Variants in FRMD3 observed in about 807,000 individuals in gnomAD.
FRMD3 encodes the protein FERM domain containing 3.
In FRMD3, 33 loss-of-function variants were observed where a neutral mutation model predicts 70.2. The observed-to-expected ratio is 0.47, with a 90% CI of 0.36 to 0.63. FRMD3 has a LOEUF of 0.63. FRMD3 is among the 20% of genes least tolerant of loss of function. The probability of loss-of-function intolerance (pLI) is 0.00; values close to 1 mark genes in which losing one functional copy is unlikely to be tolerated. For missense variants in FRMD3, 632 were observed against 711.4 expected, an observed-to-expected ratio of 0.89 and a Z score of 1.27; for synonymous variants, 279 against 255.9, an observed-to-expected ratio of 1.09 and a Z score of -0.86.
Position 83,519,524 on chromosome 9 carries a change from A to G in FRMD3, c.147+18561T>C, listed in dbSNP as rs142748581. Among the ~76,000 whole-genome samples the G allele has an allele frequency of 7.6e-3, 1,155 of 152,322 alleles. 17 individuals carry two copies. Among genetic ancestry groups the G allele is most frequent in the African/African-American group, 0.026 (1,085 of 41,564 alleles). ...CTGGAGAGGATGTGGAGAAATAGGAACGCTTTTGCACTGTTGGTGTGAGTG... is the reference window on the plus strand; with the variant it reads ...CTGGAGAGGATGTGGAGAAATAGGAGCGCTTTTGCACTGTTGGTGTGAGTG... On this transcript the variant is annotated intron_variant, in intron 1 of 13. Coordinates refer to ENST00000304195, the MANE Select transcript of FRMD3 (RefSeq NM_174938.6).
intron 6 of FRMD3, among the ~76,000 whole-genome samples, chr9:83,319,760 A>C (rs1398973186): frequency 6.6e-6 from 1 of 152,148 alleles, no homozygotes; most frequent in Non-Finnish European, 1.5e-5. Flanking sequence ...CATGAGATCC[A>C]ATGGTTTTAA....
rs975759161 is a variant in FRMD3 at position 83,537,415 on chromosome 9, C to T, written c.147+670G>A. ...ACAATCCCTTTTCCTTTCTCCGAAA[C>T]ACTCAGACTTCACACATTCCTTTCG... On this transcript the variant is annotated intron_variant, in intron 1 of 13. Transcript: ENST00000304195. The surrounding 1 kb of genome is among the most constrained non-coding windows in gnomAD (Gnocchi z 4.1). Among the ~76,000 whole-genome samples, 1 of 152,248 alleles carries T rather than the reference C, an allele frequency of 6.6e-6. No individual in the cohort carries two copies. Among genetic ancestry groups the T allele is most frequent in the Non-Finnish European group, 1.5e-5 (1 of 68,048 alleles).
chr9:83,513,052 A>G (rs1010386589), intron 1 of FRMD3, among the ~76,000 whole-genome samples: 1 of 152,220 alleles, frequency 6.6e-6, no homozygotes, highest in African/African-American at 2.4e-5. Context: ...AGCCCACCAG[A>G]GAGAATAAGG....
At chr9:83,502,336 G>A (rs546306478) in intron 1 of FRMD3, among the ~76,000 whole-genome samples, 1 of 152,352 alleles carries the variant, frequency 6.6e-6, no homozygotes, top group African/African-American at 2.4e-5. Flanking sequence ...AGTACCAGAA[G>A]TAGAGGTGAC....
At chr9:83,507,736 A>ATATATATATATATCTATC (rs1554713917) in intron 1 of FRMD3, among the ~76,000 whole-genome samples, 6 of 88,696 alleles carry the variant, frequency 6.8e-5, no homozygotes, top group Non-Finnish European at 1.4e-4. Flanking sequence ...ATATATATAT[A>ATATATATATATATCTATC]TATCTTCTGG....
intron 2 of FRMD3, among the ~76,000 whole-genome samples, chr9:83,388,242 C>T (rs1036762095): frequency 3.3e-5 from 5 of 152,174 alleles, no homozygotes; most frequent in African/African-American, 1.2e-4. Context: ...CAGAAATACA[C>T]TCTGTGAGCC....
chr9:83,397,527 G>A (rs1825841050), intron 1 of FRMD3, among the ~76,000 whole-genome samples: 1 of 152,176 alleles, frequency 6.6e-6, no homozygotes, highest in East Asian at 1.9e-4. Context: ...TCGCTGGAAT[G>A]AGGGAAGCAG....
intron 1 of FRMD3, among the ~76,000 whole-genome samples, chr9:83,528,331 A>C (rs1457555522): frequency 6.6e-6 from 1 of 152,032 alleles, no homozygotes; most frequent in African/African-American, 2.4e-5. Flanking sequence ...GTGCATAGTT[A>C]CTACTAAGAA....
At chr9:83,467,782 A>G (rs1564091748) in intron 1 of FRMD3, 4 of 1,390,820 alleles carry the variant, frequency 2.9e-6, no homozygotes, top group Non-Finnish European at 3.7e-6. Flanking sequence ...TGCATTGTTT[A>G]CCTATAGAAA....
At chr9:83,253,662 T>G (rs1832536895) in intron 13 of FRMD3, among the ~76,000 whole-genome samples, 1 of 152,230 alleles carries the variant, frequency 6.6e-6, no homozygotes, top group Admixed American at 6.5e-5. Context: ...TTGACACTGT[T>G]GGTGGGACTG....
At chr9:83,557,652 A>C in the FRMD3 span, among the ~76,000 whole-genome samples, 2 of 152,254 alleles carry the variant, frequency 1.3e-5, no homozygotes, top group African/African-American at 4.8e-5. Context: ...TAGAGTACTA[A>C]TTAGAAGGCC....
chr9:83,511,156 T>A (rs535568229), intron 1 of FRMD3, among the ~76,000 whole-genome samples: 1 of 152,348 alleles, frequency 6.6e-6, no homozygotes, highest in South Asian at 2.1e-4. Context: ...CTCATTAATC[T>A]ATGCCTGGTG....
intron 2 of FRMD3, among the ~76,000 whole-genome samples, chr9:83,385,307 T>A (rs1825480767): frequency 6.6e-6 from 1 of 152,182 alleles, no homozygotes; most frequent in Admixed American, 6.6e-5. Context: ...TTTTCCCTAA[T>A]CTTAGGCAAC....
intron 1 of FRMD3, among the ~76,000 whole-genome samples, chr9:83,416,805 C>T (rs1197470428): frequency 7.0e-6 from 1 of 143,434 alleles, no homozygotes; most frequent in African/African-American, 2.6e-5. Flanking sequence ...CTCTCTCTTA[C>T]TCTTTCACTC....
chr9:83,399,201 G>A (rs1315354214), intron 1 of FRMD3, among the ~76,000 whole-genome samples: 1 of 152,212 alleles, frequency 6.6e-6, no homozygotes, highest in African/African-American at 2.4e-5. Context: ...CCTAAACAGT[G>A]TCTTCTGAAG....
Position 83,299,204 on chromosome 9 carries a change from G to T in FRMD3, c.927-18C>A. The T allele has an allele frequency of 6.4e-7, 1 of 1,574,650 alleles. No homozygotes were observed. Among genetic ancestry groups the T allele is most frequent in the Non-Finnish European group, 8.7e-7 (1 of 1,147,214 alleles). ...TTGCATACCTTTAAGAAAAAGCAAAGCACAGGTGGTTAGGACATTGGAAAG... is the reference window on the plus strand; with the variant it reads ...TTGCATACCTTTAAGAAAAAGCAAATCACAGGTGGTTAGGACATTGGAAAG... On this transcript the variant is annotated intron_variant, in intron 10 of 13. Coordinates refer to ENST00000304195, the MANE Select transcript of FRMD3 (RefSeq NM_174938.6).
upstream of FRMD3, among the ~76,000 whole-genome samples, chr9:83,542,959 A>G (rs1400696904): frequency 6.6e-6 from 1 of 152,194 alleles, no homozygotes; most frequent in East Asian, 1.9e-4. Flanking sequence ...GTCAAAATAA[A>G]TCATTGACTC....
chr9:83,264,264 A>AT (rs1398732931), intron 13 of FRMD3, among the ~76,000 whole-genome samples: 1 of 152,246 alleles, frequency 6.6e-6, no homozygotes, highest in African/African-American at 2.4e-5. Flanking sequence ...AAAAGGCAAA[A>AT]TTATGAATAT....
intron 1 of FRMD3, among the ~76,000 whole-genome samples, chr9:83,507,736 A>ATATATATATATATCTATCTATCTATC (rs1554713917): frequency 1.1e-5 from 1 of 88,694 alleles, no homozygotes; most frequent in Non-Finnish European, 2.4e-5. Flanking sequence ...ATATATATAT[A>ATATATATATATATCTATCTATCTATC]TATCTTCTGG....
Sources: allele counts gnomAD v4.1 joint callset (sites outside exome capture counted in the v4.1 genomes callset), GRCh38; gene constraint gnomAD v4.1.1; non-coding constraint Gnocchi (gnomAD v3.1); transcripts MANE v1.5; gene names NCBI Gene and HGNC (gene_info 2026-07-23, HGNC 2026-07-21).